PCNX2: variants seen among roughly 807,000 people sequenced by gnomAD.
The protein encoded by PCNX2 is pecanex 2, also known as pecanex-like protein 2.
PCNX2 carries 168 observed loss-of-function variants against 223.8 expected under a neutral mutation model. The ratio of observed to expected loss-of-function variants is 0.75; its 90% confidence interval spans 0.66 to 0.85. The LOEUF is 0.85. PCNX2 is among the 40% of genes least tolerant of loss of function. The probability of loss-of-function intolerance (pLI) is 0.00; values close to 1 mark genes in which losing one functional copy is unlikely to be tolerated. For synonymous variants in PCNX2, 1,006 were observed against 1,052.6 expected, an observed-to-expected ratio of 0.96 and a Z score of 0.86; for missense variants, 2,507 against 2,675.5, an observed-to-expected ratio of 0.94 and a Z score of 1.39.
chr1:232,998,490 C>T, intron 31 of PCNX2, 52 bp from the exon 32 acceptor site: 1 of 1,584,828 alleles, frequency 6.3e-7, no homozygotes, highest in African/African-American at 1.3e-5. Context: ...CTTCCAATCC[C>T]CCTAAATGCA....
In PCNX2 at chr1:233,161,347, C is replaced by T; in HGVS notation, c.3290G>A (p.Trp1097Ter). Reference protein sequence around the residue: ...MKDSVTDVLKWDLIVCAVVAV... With the variant: ...MKDSVTDVLK ...AACCACTGCGCAGACGATGAGATCC[C>T]ATTTTAAGACATCCGTCTGGAAAGA... Residue 1097 changes from tryptophan to a stop codon, truncating the protein, a stop_gained, in exon 18 of 34, where the codon TGG becomes TAG. Coordinates refer to ENST00000258229, the MANE Select transcript of PCNX2 (RefSeq NM_014801.4). LOFTEE classifies it high-confidence loss of function. 6.2e-7 allele frequency: 1 copy of T among 1,613,746 alleles called. No homozygotes were observed. The highest frequency in any genetic ancestry group is 8.5e-7 in the Non-Finnish European group (1 of 1,179,782).
At chr1:233,233,438 G>T (rs1024551552) in intron 9 of PCNX2, among the ~76,000 whole-genome samples, 2 of 150,636 alleles carry the variant, frequency 1.3e-5, no homozygotes, top group Non-Finnish European at 3.0e-5. Flanking sequence ...GTGTGTGTGT[G>T]TGTGTGTGTG....
chr1:233,132,889 C>T (rs1325434785), intron 21 of PCNX2, among the ~76,000 whole-genome samples: 2 of 141,048 alleles, frequency 1.4e-5, no homozygotes, highest in Non-Finnish European at 3.1e-5. Context: ...GCACATTTTA[C>T]ATCTTTTTTT....
the PCNX2 span, among the ~76,000 whole-genome samples, chr1:233,326,896 C>T: frequency 1.3e-5 from 2 of 152,188 alleles, no homozygotes; most frequent in Non-Finnish European, 2.9e-5. Flanking sequence ...GAGACTGGGG[C>T]ATTTTCCATC....
At chr1:233,261,973 A>C in intron 3 of PCNX2, 72 bp downstream of exon 3, 1 of 1,584,560 alleles carries the variant, frequency 6.3e-7, no homozygotes, top group South Asian at 1.1e-5. Context: ...CTGCTGCTGA[A>C]CACTCCCATT....
intron 32 of PCNX2, among the ~76,000 whole-genome samples, chr1:232,997,374 T>C (rs1669912559): frequency 6.6e-6 from 1 of 152,202 alleles, no homozygotes; most frequent in South Asian, 2.1e-4. Flanking sequence ...CTCTGGGCAC[T>C]CCCAGGAGGC....
At chr1:232,988,806 C>G (rs1425269175) in intron 32 of PCNX2, among the ~76,000 whole-genome samples, 1 of 152,204 alleles carries the variant, frequency 6.6e-6, no homozygotes, top group Non-Finnish European at 1.5e-5. Flanking sequence ...CCCCTTCCAG[C>G]TGTGACATAT....
chr1:233,290,839 A>C, intron 1 of PCNX2: 1 of 985,448 alleles, frequency 1.0e-6, no homozygotes, highest in Non-Finnish European at 1.2e-6. Context: ...CAGCCATAGA[A>C]CGAAAGACAG....
At chr1:233,079,282 T>C (rs1673242494) in intron 23 of PCNX2, among the ~76,000 whole-genome samples, 2 of 152,058 alleles carry the variant, frequency 1.3e-5, no homozygotes, top group African/African-American at 4.8e-5. Flanking sequence ...TCCAGCACTT[T>C]GGGAGGCCGA....
At chr1:233,267,056 C>A (rs1362134151) in intron 1 of PCNX2, among the ~76,000 whole-genome samples, 1 of 152,034 alleles carries the variant, frequency 6.6e-6, no homozygotes. Context: ...CAGTGGCTCA[C>A]ACCTGTAATC....
the PCNX2 span, among the ~76,000 whole-genome samples, chr1:233,309,682 A>T: frequency 1.3e-5 from 2 of 152,088 alleles, no homozygotes; most frequent in Non-Finnish European, 2.9e-5. Context: ...ATTCAAGACC[A>T]GCCTGGCCAA....
rs574069559 is a variant in PCNX2, at chr1:233,095,701, T to C, written c.3946+54A>G. On this transcript the variant is annotated intron_variant, in intron 22 of 33. Transcript: ENST00000258229. ...TGCCAGGGGTCAATGAAAAGCTTGC[T>C]TCCGTAAAATGTGAATCTCAGCTGG... is the stretch of plus-strand genomic sequence containing the variant. 26 of 1,439,494 alleles carry C rather than the reference T, an allele frequency of 1.8e-5. No homozygotes were observed. The African/African-American group carries it at 3.1e-4, about 17-fold the overall frequency. The allele number at this position is 1,439,494 out of a possible 1,614,324, so 89.2% of individuals were successfully genotyped here. A position where few individuals can be genotyped will look rare whatever the true frequency, so the allele number is the denominator to read the frequency against.
At chr1:233,124,803 G>A (rs777192900) in intron 21 of PCNX2, among the ~76,000 whole-genome samples, 6 of 152,214 alleles carry the variant, frequency 3.9e-5, no homozygotes, top group Admixed American at 6.5e-5. Context: ...TGCAAGGGCA[G>A]TAGACTAAAT....
intron 1 of PCNX2, among the ~76,000 whole-genome samples, chr1:233,288,488 G>A (rs1054339315): frequency 1.6e-4 from 24 of 152,098 alleles, no homozygotes; most frequent in African/African-American, 5.8e-4. Flanking sequence ...CACAACCTGA[G>A]GACATAAATC....
intron 21 of PCNX2, among the ~76,000 whole-genome samples, chr1:233,115,162 G>C (rs1273572307): frequency 6.6e-6 from 1 of 151,830 alleles, no homozygotes; most frequent in Non-Finnish European, 1.5e-5. Context: ...ACTACAACCA[G>C]GGAAGGAAGT....
At chr1:233,129,276 G>C (rs1272561991) in intron 21 of PCNX2, among the ~76,000 whole-genome samples, 1 of 152,222 alleles carries the variant, frequency 6.6e-6, no homozygotes, top group Non-Finnish European at 1.5e-5. Context: ...GGTGCGCTGG[G>C]TCCCCCAGCA....
intron 23 of PCNX2, among the ~76,000 whole-genome samples, chr1:233,067,830 A>C (rs1672685975): frequency 6.6e-6 from 1 of 152,202 alleles, no homozygotes; most frequent in African/African-American, 2.4e-5. Flanking sequence ...AAGAGAAAAG[A>C]ATCATTGAAC....
chr1:233,117,733 A>G (rs57944682), intron 21 of PCNX2, among the ~76,000 whole-genome samples: 22,833 of 150,114 alleles, frequency 0.15, 1,897 homozygotes, highest in East Asian at 0.26. Context: ...ATTATAGGCC[A>G]GGCGCGGTGG....
At chr1:233,300,143 G>T (rs772333117), upstream of PCNX2, among the ~76,000 whole-genome samples, 33 of 152,200 alleles carry the variant, frequency 2.2e-4, no homozygotes, top group Non-Finnish European at 3.5e-4. Context: ...GAGTGGGATT[G>T]TATTGACTTT....
Sources: allele counts gnomAD v4.1 joint callset (sites outside exome capture counted in the v4.1 genomes callset), GRCh38; gene constraint gnomAD v4.1.1; transcripts MANE v1.5; gene names NCBI Gene and HGNC (gene_info 2026-07-23, HGNC 2026-07-21).